Variants in BIRC2 observed in about 807,000 individuals in gnomAD.
BIRC2 encodes baculoviral IAP repeat containing 2.
BIRC2 carries 18 observed loss-of-function variants against 60.9 expected under a neutral mutation model. The ratio of observed to expected loss-of-function variants is 0.30; its 90% CI spans 0.20 to 0.44. BIRC2 has a LOEUF of 0.44. Among genes scored for constraint, BIRC2 ranks in the 20% least tolerant of loss-of-function variants. The pLI is 1.00. For missense variants in BIRC2, 701 were observed against 728.5 expected, an observed-to-expected ratio of 0.96 and a Z score of 0.43; for synonymous variants, 282 against 247.7, an observed-to-expected ratio of 1.14 and a Z score of -1.30.
chr11:102,364,139 TTATATATATATATATA>T (rs371707721), intron 5 of BIRC2, among the ~76,000 whole-genome samples: 131 of 61,408 alleles, frequency 2.1e-3, no homozygotes, highest in Middle Eastern at 6.3e-3. Flanking sequence ...CTAATAAATA[TTATATATATATATATA>T]TATATATATA....
intron 3 of BIRC2, among the ~76,000 whole-genome samples, chr11:102,359,897 A>ATT (rs142611857): frequency 2.8e-5 from 4 of 144,548 alleles, no homozygotes; most frequent in Non-Finnish European, 6.1e-5. Context: ...AGTTTTCAGC[A>ATT]TTTTTTTTTT....
At chr11:102,361,674 C>G (rs913148605) in intron 3 of BIRC2, among the ~76,000 whole-genome samples, 1 of 152,102 alleles carries the variant, frequency 6.6e-6, no homozygotes, top group Non-Finnish European at 1.5e-5. Flanking sequence ...TTGGAGGTCT[C>G]CAGGGACCTG....
At chr11:102,366,806 G>A (rs1203069279) in intron 5 of BIRC2, among the ~76,000 whole-genome samples, 2 of 152,150 alleles carry the variant, frequency 1.3e-5, no homozygotes, top group African/African-American at 2.4e-5. Flanking sequence ...CACAAGTCAA[G>A]TTTTATCAGT....
At position 102,378,116 on chromosome 11, in the gene BIRC2, C is replaced by T; in HGVS notation, c.1790C>T (p.Pro597Leu). 1.9e-6 allele frequency: 3 copies of T among 1,613,476 alleles called. No homozygotes were observed. The highest frequency in any genetic ancestry group is 1.1e-5 in the South Asian group (1 of 90,978). ...GHLVVCQECA[P>L]SLRKCPICRG... ...CTGGTAGTATGCCAGGAATGTGCCC[C>T]TTCTCTAAGAAAATGCCCTATTTGC... The change falls in exon 9 of 9, where the codon CCT becomes CTT. Residue 597 changes from proline to leucine, a missense_variant. This residue lies in a region of BIRC2 where 52 missense variants were observed against 83.9 expected (regional missense o/e 0.62). Transcript: ENST00000227758.
chr11:102,374,123 G>A lies in BIRC2; in HGVS notation c.1367-3373G>A, dbSNP rs1056809283. Reference sequence around the variant, plus strand: ...TTGCCTTTGGTTTGAATGTCCTCCTGTAGCTCAGAGTAATTTGATCGTCTG... The same window carrying A: ...TTGCCTTTGGTTTGAATGTCCTCCTATAGCTCAGAGTAATTTGATCGTCTG... On this transcript the variant is annotated intron_variant, in intron 6 of 8. Coordinates refer to ENST00000227758, the MANE Select transcript of BIRC2 (RefSeq NM_001166.5). Among the ~76,000 whole-genome samples, 30 of 149,166 alleles carry A rather than the reference G, an allele frequency of 2.0e-4. 2 individuals carry two copies. Among genetic ancestry groups the A allele is most frequent in the African/African-American group, 6.9e-4 (28 of 40,390 alleles).
At chr11:102,351,210 A>G (rs919328431) in intron 3 of BIRC2, among the ~76,000 whole-genome samples, 3 of 152,234 alleles carry the variant, frequency 2.0e-5, no homozygotes, top group Non-Finnish European at 2.9e-5. Context: ...TAAGGATTAC[A>G]AAGACATATA....
intron 6 of BIRC2, among the ~76,000 whole-genome samples, chr11:102,372,550 G>C (rs1281847845): frequency 6.6e-6 from 1 of 151,238 alleles, no homozygotes; most frequent in Non-Finnish European, 1.5e-5. Context: ...TATAATTTCT[G>C]TTCTTTTACA....
intron 5 of BIRC2, among the ~76,000 whole-genome samples, chr11:102,367,687 A>G (rs185862062): frequency 2.8e-4 from 43 of 152,258 alleles, no homozygotes; most frequent in African/African-American, 8.7e-4. Context: ...ACCTTACACT[A>G]CTTTTTTCTT....
chr11:102,373,314 C>G (rs1339195330), intron 6 of BIRC2, among the ~76,000 whole-genome samples: 1 of 152,114 alleles, frequency 6.6e-6, no homozygotes, highest in Non-Finnish European at 1.5e-5. Flanking sequence ...ACCGGTTGTT[C>G]CTTTCCATGT....
Position 102,349,603 on chromosome 11 carries a change from A to G in BIRC2, c.-252A>G, listed in dbSNP as rs904037812. The G allele has an allele frequency of 1.2e-5, 4 of 346,380 alleles. No individual in the cohort carries two copies. The highest frequency in any genetic ancestry group is 6.2e-5 in the African/African-American group (3 of 48,090). 21.5% of individuals were successfully genotyped at this position (346,380 alleles called of 1,614,324 possible). ...CTTTAAGTTAGTATTACTCAAGATT[A>G]TGAACAAATAGCACTTAGGTTACCT... On this transcript the variant is annotated 5_prime_UTR_variant, in exon 2 of 9. The change abolishes an upstream ATG in the 5' untranslated region. Coordinates refer to ENST00000227758, the MANE Select transcript of BIRC2 (RefSeq NM_001166.5).
intron 3 of BIRC2, among the ~76,000 whole-genome samples, chr11:102,353,982 G>C (rs1355507158): frequency 6.6e-6 from 1 of 152,124 alleles, no homozygotes; most frequent in East Asian, 1.9e-4. Context: ...CTGAAGTCCA[G>C]AAGTTGACTC....
chr11:102,365,845 G>A lies in BIRC2; in HGVS notation c.1123+2129G>A, dbSNP rs1365995470. 3.9e-5 allele frequency among the ~76,000 whole-genome samples: 6 copies of A among 151,922 alleles called. No individual in the cohort carries two copies. The East Asian group carries it at 5.8e-4, about 15-fold the overall frequency. ...TGAGCTTAAGCAATCTGCCTGCCTC[G>A]GCCTCCCATAGTGCTGGGATTGCAG... On this transcript the variant is annotated intron_variant, in intron 5 of 8. Transcript: ENST00000227758.
At chr11:102,368,034 C>G (rs1362996017) in intron 5 of BIRC2, among the ~76,000 whole-genome samples, 1 of 152,154 alleles carries the variant, frequency 6.6e-6, no homozygotes, top group Non-Finnish European at 1.5e-5. Flanking sequence ...GATACAGATT[C>G]CTAATTCTTA....
intron 6 of BIRC2, among the ~76,000 whole-genome samples, chr11:102,369,611 G>C (rs1202331358): frequency 1.4e-5 from 2 of 144,360 alleles, no homozygotes; most frequent in Non-Finnish European, 3.1e-5. Flanking sequence ...TGTGAATAAT[G>C]CCGCAATAAA....
chr11:102,370,038 T>G (rs1951609821), intron 6 of BIRC2, among the ~76,000 whole-genome samples: 2 of 152,216 alleles, frequency 1.3e-5, no homozygotes, highest in South Asian at 2.1e-4. Flanking sequence ...TAAATTTGTT[T>G]GAGTTCATTG....
chr11:102,361,773 C>A (rs1027249799), intron 3 of BIRC2, among the ~76,000 whole-genome samples: 1 of 151,606 alleles, frequency 6.6e-6, no homozygotes, highest in Non-Finnish European at 1.5e-5. Context: ...ACCCCTTGTT[C>A]TTAGCCATCT....
chr11:102,372,411 T>A (rs1319748534), intron 6 of BIRC2, among the ~76,000 whole-genome samples: 1 of 152,184 alleles, frequency 6.6e-6, no homozygotes, highest in African/African-American at 2.4e-5. Flanking sequence ...TATTTCTGCC[T>A]TCATTTCGTT....
Position 102,350,526 on chromosome 11 carries a change from T to C in BIRC2, c.672T>C (p.Gly224=). The stretch of plus-strand genomic sequence containing the variant: ...ATAGGGTAGCCTGCTTTGCCTGTGG[T>C]GGGAAGCTCAGTAACTGGGAACCAA... ...PGDRVACFAC[G]GKLSNWEPKD... is the part of the protein sequence containing the mutation. Residue 224 remains glycine (G), a synonymous_variant, in exon 2 of 9, where the codon GGT becomes GGC. Coordinates refer to ENST00000227758, the MANE Select transcript of BIRC2 (RefSeq NM_001166.5). 6.2e-7 allele frequency: 1 copy of C among 1,614,168 alleles called. No individual in the cohort carries two copies. The highest frequency in any genetic ancestry group is 2.2e-5 in the East Asian group (1 of 44,886).
chr11:102,362,840 C>G (rs554863896), intron 3 of BIRC2, 56 bp from the exon 4 acceptor site: 2 of 1,333,960 alleles, frequency 1.5e-6, no homozygotes, highest in East Asian at 4.8e-5. Flanking sequence ...CTAGAATGAT[C>G]AGGTTATATT....
Sources: gnomAD v4.1 joint callset for allele counts (sites outside exome capture counted in the v4.1 genomes callset) on GRCh38, gnomAD v4.1.1 for gene constraint, gnomAD v4.1.1 regional missense constraint, MANE v1.5 for transcripts, NCBI Gene and HGNC (gene_info 2026-07-23, HGNC 2026-07-21) for gene names.